Variants in RANBP2 observed in about 807,000 individuals in gnomAD.
RANBP2 encodes E3 SUMO-protein ligase RanBP2.
RANBP2 carries 57 observed loss-of-function variants against 303.6 expected under a neutral mutation model. The observed-to-expected ratio is 0.19, with a 90% CI of 0.15 to 0.23. The LOEUF is 0.23. Among genes scored for constraint, RANBP2 ranks in the 10% least tolerant of loss-of-function variants. The pLI is 1.00. For synonymous variants in RANBP2, 1,167 were observed against 1,301.5 expected (o/e 0.90, Z 2.23); for missense variants, 3,138 against 3,780.8 (o/e 0.83, Z 4.46).
chr2:108,943,808 C>T, the RANBP2 span, among the ~76,000 whole-genome samples: 4 of 152,152 alleles, frequency 2.6e-5, no homozygotes, highest in Non-Finnish European at 5.9e-5. Flanking sequence ...CAGCACACCT[C>T]AGGCTGGGGC....
the RANBP2 span, among the ~76,000 whole-genome samples, chr2:109,275,332 G>C: frequency 0.35 from 53,794 of 151,996 alleles, 9,603 homozygotes; most frequent in South Asian, 0.41. Context: ...CCAGGCTTCA[G>C]TTTATATTTG....
At chr2:109,466,272 G>A in the RANBP2 span, among the ~76,000 whole-genome samples, 1 of 151,878 alleles carries the variant, frequency 6.6e-6, no homozygotes, top group African/African-American at 2.4e-5. Context: ...TAGTAGAGAC[G>A]GGGTTTCACT....
chr2:109,340,310 C>T, the RANBP2 span, among the ~76,000 whole-genome samples: 13 of 152,088 alleles, frequency 8.5e-5, no homozygotes, highest in East Asian at 1.9e-4. Flanking sequence ...CTGTGGGTCT[C>T]GCAGGTAGAG....
chr2:108,821,948 A>G, the RANBP2 span, among the ~76,000 whole-genome samples: 2 of 146,126 alleles, frequency 1.4e-5, no homozygotes, highest in Non-Finnish European at 3.0e-5. Context: ...AAAAAAAAGT[A>G]TGTCCTTCCT....
chr2:109,482,877 G>A, the RANBP2 span, among the ~76,000 whole-genome samples: 5 of 152,158 alleles, frequency 3.3e-5, no homozygotes, highest in Non-Finnish European at 5.9e-5. Context: ...GCTGCCTCCC[G>A]TTCCCTGCTA....
the RANBP2 span, among the ~76,000 whole-genome samples, chr2:109,600,456 T>A: frequency 6.6e-6 from 1 of 152,008 alleles, no homozygotes; most frequent in Non-Finnish European, 1.5e-5. Flanking sequence ...TAGAATATAA[T>A]TCCTGTTCCA....
the RANBP2 span, among the ~76,000 whole-genome samples, chr2:109,259,655 A>G: frequency 6.6e-6 from 1 of 152,246 alleles, no homozygotes; most frequent in African/African-American, 2.4e-5. Context: ...TGTAACTTGA[A>G]TTGTGATAAT....
chr2:109,485,033 TCAGCGTGTGCAGCG>T, the RANBP2 span, among the ~76,000 whole-genome samples: 2 of 152,240 alleles, frequency 1.3e-5, no homozygotes, highest in Non-Finnish European at 2.9e-5. Flanking sequence ...ACGTAACCCA[TCAGCGTGTGCAGCG>T]CAGCATGTGC....
chr2:109,244,208 C>A, the RANBP2 span, among the ~76,000 whole-genome samples: 2 of 152,092 alleles, frequency 1.3e-5, no homozygotes, highest in African/African-American at 4.8e-5. Context: ...GGATTCTAAT[C>A]CGAGCTGGAG....
At chr2:109,280,508 C>T in the RANBP2 span, among the ~76,000 whole-genome samples, 1 of 152,166 alleles carries the variant, frequency 6.6e-6, no homozygotes, top group South Asian at 2.1e-4. Context: ...CAGACTGGGG[C>T]TCCACTGGGG....
the RANBP2 span, among the ~76,000 whole-genome samples, chr2:109,657,084 G>C: frequency 1.3e-5 from 2 of 152,148 alleles, no homozygotes; most frequent in Admixed American, 1.3e-4. Flanking sequence ...AACAACCTCT[G>C]GATTCCCTAA....
the RANBP2 span, among the ~76,000 whole-genome samples, chr2:109,587,186 C>T: frequency 2.0e-5 from 3 of 152,022 alleles, no homozygotes; most frequent in African/African-American, 7.2e-5. Flanking sequence ...TATGAAAGAG[C>T]TCGCAACGAC....
At chr2:109,520,797 G>T in the RANBP2 span, among the ~76,000 whole-genome samples, 2 of 136,724 alleles carry the variant, frequency 1.5e-5, no homozygotes, top group African/African-American at 5.0e-5. Flanking sequence ...CGGGCGTGGT[G>T]GTGGGCGTCT....
At chr2:109,341,882 G>A in the RANBP2 span, among the ~76,000 whole-genome samples, 2 of 152,212 alleles carry the variant, frequency 1.3e-5, no homozygotes, top group African/African-American at 4.8e-5. Context: ...GAAGGCTTCT[G>A]CTGGAAGCTT....
At chr2:109,050,094 G>A in the RANBP2 span, among the ~76,000 whole-genome samples, 1 of 151,938 alleles carries the variant, frequency 6.6e-6, no homozygotes, top group Non-Finnish European at 1.5e-5. Flanking sequence ...AAATTGAGAT[G>A]TGCTGTAAAT....
chr2:109,688,264 G>A, the RANBP2 span, among the ~76,000 whole-genome samples: 1 of 152,186 alleles, frequency 6.6e-6, no homozygotes, highest in African/African-American at 2.4e-5. Flanking sequence ...TTGGGGTCCA[G>A]GCCTTGGCAA....
chr2:109,518,420 C>G, the RANBP2 span, among the ~76,000 whole-genome samples: 1 of 152,158 alleles, frequency 6.6e-6, no homozygotes, highest in African/African-American at 2.4e-5. Flanking sequence ...GGTTAGGTAG[C>G]TTCCCCCAGG....
the RANBP2 span, among the ~76,000 whole-genome samples, chr2:109,457,290 G>A: frequency 3.9e-5 from 6 of 152,266 alleles, no homozygotes; most frequent in East Asian, 3.9e-4. Flanking sequence ...TTATATCCCC[G>A]AGGCTTCTCT....
chr2:109,064,526 C>G, the RANBP2 span, among the ~76,000 whole-genome samples: 2 of 150,470 alleles, frequency 1.3e-5, no homozygotes, highest in Admixed American at 1.3e-4. Context: ...TCTCTCAGTG[C>G]AAAGTCTTTA....
Sources: allele counts gnomAD v4.1 joint callset (sites outside exome capture counted in the v4.1 genomes callset), GRCh38; gene constraint gnomAD v4.1.1; transcripts MANE v1.5; gene names NCBI Gene and HGNC (gene_info 2026-07-23, HGNC 2026-07-21).